PPM1E: variants seen among roughly 807,000 people sequenced by gnomAD.
The protein encoded by PPM1E is protein phosphatase, Mg2+/Mn2+ dependent 1E.
PPM1E carries 20 observed loss-of-function variants against 65.9 expected under a neutral mutation model. The ratio of observed to expected loss-of-function variants is 0.30; its 90% CI spans 0.21 to 0.44. PPM1E has a LOEUF of 0.44. PPM1E is among the 20% of genes least tolerant of loss of function. The probability of loss-of-function intolerance (pLI) is 1.00; values close to 1 mark genes in which losing one functional copy is unlikely to be tolerated. For missense variants in PPM1E, 713 were observed against 953.1 expected, an observed-to-expected ratio of 0.75 and a Z score of 3.32; for synonymous variants, 352 against 374.9, an observed-to-expected ratio of 0.94 and a Z score of 0.70.
intron 1 of PPM1E, among the ~76,000 whole-genome samples, chr17:58,849,841 A>G (rs891441144): frequency 1.3e-5 from 2 of 152,050 alleles, no homozygotes; most frequent in Non-Finnish European, 2.9e-5. Context: ...TATCCTTGTT[A>G]ATTTCCTGTC....
chr17:58,852,806 G>A (rs577140331), intron 1 of PPM1E, among the ~76,000 whole-genome samples: 8 of 152,158 alleles, frequency 5.3e-5, no homozygotes, highest in Admixed American at 2.6e-4. Context: ...GTTTCACCGT[G>A]TTGGCCAGGA....
At chr17:58,918,554 C>T (rs1419945995) in intron 1 of PPM1E, among the ~76,000 whole-genome samples, 1 of 152,118 alleles carries the variant, frequency 6.6e-6, no homozygotes, top group Non-Finnish European at 1.5e-5. Flanking sequence ...TCTTGTAATC[C>T]TAGCACTTTG....
chr17:58,905,320 A>G (rs528862318), intron 1 of PPM1E, among the ~76,000 whole-genome samples: 37 of 152,274 alleles, frequency 2.4e-4, no homozygotes, highest in Admixed American at 7.2e-4. Flanking sequence ...GTTTACCATT[A>G]AGTGTGAAGC....
At chr17:58,833,999 G>A (rs2050629740) in intron 1 of PPM1E, among the ~76,000 whole-genome samples, 1 of 152,146 alleles carries the variant, frequency 6.6e-6, no homozygotes, top group South Asian at 2.1e-4. Flanking sequence ...GATTAGTGAT[G>A]TGGAGCATTT....
chr17:58,940,796 C>T lies in PPM1E; in HGVS notation c.465-14853C>T, dbSNP rs139107911. Among the ~76,000 whole-genome samples the T allele has an allele frequency of 7.9e-4, 120 of 152,254 alleles. 3 individuals are homozygous for T. In the East Asian group the frequency reaches 0.016, roughly 20 times the overall value. On this transcript the variant is annotated intron_variant, in intron 1 of 6. Transcript: ENST00000308249. ...TGTGATCGGGACTCACTGCAACCTG[C>T]ACCTCCCAGGTTCAAGCAATTCTCA...
intron 1 of PPM1E, among the ~76,000 whole-genome samples, chr17:58,924,122 G>A (rs971357286): frequency 6.6e-6 from 1 of 151,572 alleles, no homozygotes; most frequent in Non-Finnish European, 1.5e-5. Flanking sequence ...GTTTCGTCAT[G>A]TTGGCCAGGC....
chr17:58,765,673 C>T (rs780031189), intron 1 of PPM1E, among the ~76,000 whole-genome samples: 3 of 151,618 alleles, frequency 2.0e-5, no homozygotes, highest in African/African-American at 4.8e-5. Flanking sequence ...TACTACCTAG[C>T]GTAGTTTAAG....
intron 1 of PPM1E, among the ~76,000 whole-genome samples, chr17:58,915,802 T>A (rs927141374): frequency 6.6e-6 from 1 of 152,254 alleles, no homozygotes. Flanking sequence ...GCTTACCTAC[T>A]TTGCAATGTG....
intron 1 of PPM1E, among the ~76,000 whole-genome samples, chr17:58,770,731 A>G (rs2049929298): frequency 6.6e-6 from 1 of 152,188 alleles, no homozygotes; most frequent in Non-Finnish European, 1.5e-5. Context: ...ATATAGGTTG[A>G]AATTATCAAA....
At chr17:58,822,326 TTTTATTTATTTATTTATTTA>T (rs143533991) in intron 1 of PPM1E, among the ~76,000 whole-genome samples, 1,929 of 142,002 alleles carry the variant, frequency 0.014, 27 homozygotes, top group Non-Finnish European at 0.019. Context: ...CTGAATTTAT[TTTTATTTATTTATTTATTTA>T]TTTATTTATT....
At chr17:58,847,274 A>G (rs2050781181) in intron 1 of PPM1E, among the ~76,000 whole-genome samples, 1 of 152,066 alleles carries the variant, frequency 6.6e-6, no homozygotes, top group South Asian at 2.1e-4. Context: ...CTTTAGTTTA[A>G]TTAGATCCCA....
chr17:58,837,281 A>C (rs1911154541), intron 1 of PPM1E, among the ~76,000 whole-genome samples: 3 of 147,042 alleles, frequency 2.0e-5, no homozygotes, highest in African/African-American at 7.5e-5. Flanking sequence ...AAAAAAAAAA[A>C]AGAATTCCCA....
intron 1 of PPM1E, 24 bp from the exon 2 acceptor site, chr17:58,955,624 TG>T: frequency 6.2e-7 from 1 of 1,611,286 alleles, no homozygotes; most frequent in Non-Finnish European, 8.5e-7. Context: ...TTGCTGAAAA[TG>T]GCCTTTTATC....
chr17:58,978,988 T>A (rs1427716693), intron 6 of PPM1E, among the ~76,000 whole-genome samples: 1 of 152,176 alleles, frequency 6.6e-6, no homozygotes, highest in Non-Finnish European at 1.5e-5. Context: ...TCCCTAACAG[T>A]TGCCTCTGCC....
rs567603708 is a variant in PPM1E, at chr17:58,981,793, G to T, written c.*762G>T. 6.6e-6 allele frequency: 1 copy of T among 152,620 alleles called. No homozygotes were observed. Among genetic ancestry groups the T allele is most frequent in the African/African-American group, 2.4e-5 (1 of 41,516 alleles). 9.5% of individuals were successfully genotyped at this position (152,620 alleles called of 1,614,324 possible). A position where few individuals can be genotyped will look rare whatever the true frequency, so the allele number is the denominator to read the frequency against. Reference sequence around the variant, plus strand: ...TTATTTAGCATTTTAGGAGACCGCTGTCAACTGGTTTTAATCTATGATGCT... The same window carrying T: ...TTATTTAGCATTTTAGGAGACCGCTTTCAACTGGTTTTAATCTATGATGCT... On this transcript the variant is annotated 3_prime_UTR_variant, in exon 7 of 7. Coordinates refer to ENST00000308249, the MANE Select transcript of PPM1E (RefSeq NM_014906.5).
chr17:58,785,328 C>CA (rs1237872034), intron 1 of PPM1E: 11 of 137,688 alleles, frequency 8.0e-5, no homozygotes, highest in Non-Finnish European at 9.1e-5. Flanking sequence ...TATTTTGAGA[C>CA]AGAGTCTCAC....
intron 1 of PPM1E, among the ~76,000 whole-genome samples, chr17:58,781,871 G>A (rs1028975297): frequency 1.3e-5 from 2 of 151,812 alleles, no homozygotes; most frequent in Admixed American, 6.6e-5. Flanking sequence ...GGGCAACAGA[G>A]CAAGACTCCG....
At chr17:58,950,741 C>A (rs1248272444) in intron 1 of PPM1E, among the ~76,000 whole-genome samples, 1 of 147,406 alleles carries the variant, frequency 6.8e-6, no homozygotes, top group Non-Finnish European at 1.5e-5. Flanking sequence ...TTATTTCATT[C>A]ATTGAATTCT....
intron 1 of PPM1E, among the ~76,000 whole-genome samples, chr17:58,832,767 A>G (rs537478030): frequency 2.1e-4 from 32 of 152,168 alleles, no homozygotes; most frequent in African/African-American, 6.5e-4. Flanking sequence ...GTACAATACT[A>G]TTTATTAACT....
Sources: allele counts gnomAD v4.1 joint callset (sites outside exome capture counted in the v4.1 genomes callset), GRCh38; gene constraint gnomAD v4.1.1; transcripts MANE v1.5; gene names NCBI Gene and HGNC (gene_info 2026-07-23, HGNC 2026-07-21).